Variants in CPNE4 observed in about 807,000 individuals in gnomAD.
CPNE4 encodes copine 4.
CPNE4 carries 25 observed loss-of-function variants against 67.9 expected under a neutral mutation model. The observed-to-expected ratio is 0.37, with a 90% CI of 0.27 to 0.51. The LOEUF (loss-of-function observed/expected upper bound fraction) is 0.51, where lower values mean the gene tolerates loss of function less well. CPNE4 is among the 20% of genes least tolerant of loss of function. CPNE4 has a pLI of 0.93. For synonymous variants in CPNE4, 242 were observed against 244.9 expected (o/e 0.99, Z 0.11); for missense variants, 464 against 690.8 (o/e 0.67, Z 3.68).
At chr3:131,730,177 G>A (rs1403713690) in intron 2 of CPNE4, among the ~76,000 whole-genome samples, 3 of 152,140 alleles carry the variant, frequency 2.0e-5, no homozygotes, top group African/African-American at 7.2e-5. Context: ...TGGGATGCAT[G>A]TTGTAATTGA....
intron 1 of CPNE4, among the ~76,000 whole-genome samples, chr3:131,927,237 G>A (rs1338161767): frequency 1.3e-5 from 2 of 152,116 alleles, no homozygotes; most frequent in Non-Finnish European, 2.9e-5. Flanking sequence ...TTTTCAGAGA[G>A]TCATGCATCT....
chr3:131,587,080 C>T lies in CPNE4; in HGVS notation c.780+404G>A, dbSNP rs191104525. 8.5e-4 allele frequency among the ~76,000 whole-genome samples: 129 copies of T among 152,238 alleles called. 1 individual carries two copies. The highest frequency in any genetic ancestry group is 1.4e-3 in the Non-Finnish European group (92 of 68,002). On this transcript the variant is annotated intron_variant, in intron 8 of 15. Coordinates refer to ENST00000429747, the MANE Select transcript of CPNE4 (RefSeq NM_130808.3). ...TTGGAAATGCTAGCTATGTGCTAGG[C>T]GCTCTGCTATCACCTAGGATTGTCT...
rs1463349759 is a variant in CPNE4, at chr3:131,990,206, TTTAA to T, written c.-2+44357_-2+44360del. Among the ~76,000 whole-genome samples the T allele has an allele frequency of 1.8e-4, 24 of 136,924 alleles. 1 individual carries two copies. The highest frequency in any genetic ancestry group is 5.4e-4 in the African/African-American group (22 of 40,904). The allele number at this position is 136,924 out of a possible 152,430, so 89.8% of individuals were successfully genotyped here. ...TCCAAGATAGAAAGATTTATCTATATTTAATTCTCTAAAAGAAAAGATACAATCA... is the reference window on the plus strand; with the variant it reads ...TCCAAGATAGAAAGATTTATCTATATTTCTCTAAAAGAAAAGATACAATCA... On this transcript the variant is annotated intron_variant, in intron 1 of 15. Transcript: ENST00000429747.
intron 2 of CPNE4, among the ~76,000 whole-genome samples, chr3:131,904,572 C>A (rs1042374556): frequency 6.6e-6 from 1 of 152,042 alleles, no homozygotes; most frequent in Non-Finnish European, 1.5e-5. Flanking sequence ...TGGGCTTGGT[C>A]AGAGAACTGG....
At chr3:132,005,311 T>C (rs950013578) in intron 1 of CPNE4, among the ~76,000 whole-genome samples, 53 of 59,732 alleles carry the variant, frequency 8.9e-4, no homozygotes, top group African/African-American at 4.0e-3. Flanking sequence ...TGTGCCATTT[T>C]TACATATATA....
At chr3:131,884,437 A>G (rs2087799587) in intron 2 of CPNE4, among the ~76,000 whole-genome samples, 3 of 152,294 alleles carry the variant, frequency 2.0e-5, no homozygotes, top group African/African-American at 4.8e-5. Flanking sequence ...TCCCACAGCA[A>G]TGGGTACACT....
intron 2 of CPNE4, among the ~76,000 whole-genome samples, chr3:131,729,731 T>C (rs2082084553): frequency 6.6e-6 from 1 of 152,244 alleles, no homozygotes; most frequent in Non-Finnish European, 1.5e-5. Flanking sequence ...CTGTGTGATA[T>C]GTCTACATAC....
rs982054803 is a variant in CPNE4, at chr3:131,575,135, A to G, written c.868-5T>C. The G allele has an allele frequency of 1.9e-6, 3 of 1,612,240 alleles. No individual in the cohort carries two copies. Among genetic ancestry groups the G allele is most frequent in the Non-Finnish European group, 2.5e-6 (3 of 1,178,630 alleles). ...GAAAGAATGCATCTTGTGAATCTGC[A>G]TAGGAGGGGAGAGGAAACTGGGTTA... On this transcript the variant is annotated splice_polypyrimidine_tract_variant and splice_region_variant and intron_variant, in intron 9 of 15. Transcript: ENST00000429747.
At chr3:131,570,523 A>C (rs1937285179) in intron 10 of CPNE4, among the ~76,000 whole-genome samples, 1 of 151,834 alleles carries the variant, frequency 6.6e-6, no homozygotes, top group Admixed American at 6.6e-5. Flanking sequence ...GTTATCTATA[A>C]CTTTGTATTT....
Position 131,747,339 on chromosome 3 carries a change from A to G in CPNE4, c.181-23714T>C, listed in dbSNP as rs192700753. On this transcript the variant is annotated intron_variant, in intron 2 of 15. Coordinates refer to ENST00000429747, the MANE Select transcript of CPNE4 (RefSeq NM_130808.3). ...TGTCTGTGCTTTTGAGGTTTTATTCAAAAATTCTTTCCTATACTGATGCAA... is the reference window on the plus strand; with the variant it reads ...TGTCTGTGCTTTTGAGGTTTTATTCGAAAATTCTTTCCTATACTGATGCAA... Among the ~76,000 whole-genome samples the G allele has an allele frequency of 7.9e-5, 12 of 152,124 alleles. No homozygotes were observed. The East Asian group carries it at 2.1e-3, about 27-fold the overall frequency.
At chr3:131,931,549 G>A (rs961942400) in intron 1 of CPNE4, among the ~76,000 whole-genome samples, 1 of 151,850 alleles carries the variant, frequency 6.6e-6, no homozygotes, top group African/African-American at 2.4e-5. Flanking sequence ...TGTGCAATTA[G>A]GTATCCTTAC....
At position 131,784,845 on chromosome 3, in the gene CPNE4, C is replaced by T. The variant is rs1583193271; in HGVS notation, c.181-61220G>A. On this transcript the variant is annotated intron_variant, in intron 2 of 15. Coordinates refer to ENST00000429747, the MANE Select transcript of CPNE4 (RefSeq NM_130808.3). ...AAGACAGAATCTATTACTGATATAT[C>T]TGGTTCAAGTTAATTAAAAAATGGA... Among the ~76,000 whole-genome samples, 3 of 152,218 alleles carry T rather than the reference C, an allele frequency of 2.0e-5. No homozygotes were observed. In the South Asian group the frequency reaches 6.2e-4, roughly 32 times the overall value.
At chr3:131,850,091 G>A (rs1042787624) in intron 2 of CPNE4, among the ~76,000 whole-genome samples, 4 of 151,908 alleles carry the variant, frequency 2.6e-5, no homozygotes, top group African/African-American at 9.7e-5. Flanking sequence ...TATTATTTTG[G>A]CTGCAACAAT....
At chr3:131,764,225 CA>C (rs1257471291) in intron 2 of CPNE4, among the ~76,000 whole-genome samples, 1 of 144,202 alleles carries the variant, frequency 6.9e-6, no homozygotes. Context: ...GGTGAGTGAG[CA>C]AAAAAAAGCA....
chr3:131,778,427 G>A (rs2083346368), intron 2 of CPNE4, among the ~76,000 whole-genome samples: 1 of 152,062 alleles, frequency 6.6e-6, no homozygotes, highest in South Asian at 2.1e-4. Flanking sequence ...GTGACATTGG[G>A]CAAGTCATAA....
intron 7 of CPNE4, among the ~76,000 whole-genome samples, chr3:131,622,162 T>C (rs546176751): frequency 1.3e-5 from 2 of 152,296 alleles, no homozygotes; most frequent in East Asian, 3.9e-4. Context: ...AGACGGTTTA[T>C]TATTTGTAAG....
At chr3:131,771,492 G>A (rs370700819) in intron 2 of CPNE4, among the ~76,000 whole-genome samples, 5 of 152,124 alleles carry the variant, frequency 3.3e-5, no homozygotes, top group Admixed American at 2.0e-4. Flanking sequence ...TCCCATAAGA[G>A]CTGATTGTTA....
intron 7 of CPNE4, among the ~76,000 whole-genome samples, chr3:131,589,417 G>T (rs1462876179): frequency 1.3e-5 from 2 of 152,182 alleles, no homozygotes; most frequent in Non-Finnish European, 2.9e-5. Flanking sequence ...GGCAAGCAAG[G>T]TTATAACACC....
chr3:131,594,039 A>G (rs1654109140), intron 7 of CPNE4, among the ~76,000 whole-genome samples: 1 of 152,132 alleles, frequency 6.6e-6, no homozygotes, highest in African/African-American at 2.4e-5. Flanking sequence ...ACTATGTTAA[A>G]TGGAAATGAT....
Sources: gnomAD v4.1 joint callset for allele counts (sites outside exome capture counted in the v4.1 genomes callset) on GRCh38, gnomAD v4.1.1 for gene constraint, MANE v1.5 for transcripts, NCBI Gene and HGNC (gene_info 2026-07-23, HGNC 2026-07-21) for gene names.